Variants in HMCN1 observed in about 807,000 individuals in gnomAD.
HMCN1 encodes hemicentin-1.
Under a neutral mutation model 625.9 loss-of-function variants are expected in HMCN1, and 321 were observed. That is an observed-to-expected ratio of 0.51 (90% confidence interval 0.47 to 0.56). HMCN1 has a LOEUF of 0.56. HMCN1 is among the 20% of genes least tolerant of loss of function. The pLI, the probability that HMCN1 is intolerant of heterozygous loss-of-function variation, is 0.00. For missense variants in HMCN1, 6,588 were observed against 6,887.3 expected (o/e 0.96, Z 1.54); for synonymous variants, 2,425 against 2,417.6 (o/e 1.00, Z -0.09).
chr1:186,044,997 T>G (rs751254469), intron 40 of HMCN1, among the ~76,000 whole-genome samples: 2 of 152,164 alleles, frequency 1.3e-5, no homozygotes, highest in Non-Finnish European at 2.9e-5. Flanking sequence ...AATCCTAATG[T>G]TAATCTCATT....
intron 11 of HMCN1, among the ~76,000 whole-genome samples, chr1:185,961,933 G>T (rs2102556549): frequency 6.6e-6 from 1 of 152,242 alleles, no homozygotes; most frequent in African/African-American, 2.4e-5. Context: ...TTAGGAAACT[G>T]CATTCCATCA....
intron 26 of HMCN1, 127 bp downstream of exon 26, chr1:186,000,366 G>T: frequency 8.4e-6 from 6 of 711,432 alleles, no homozygotes; most frequent in East Asian, 2.7e-5. Context: ...ACAGAAATCT[G>T]GTGGTATGAT....
rs747077384 is a variant in HMCN1, at chr1:185,864,561, A to C, written c.431A>C (p.Asp144Ala). 6.2e-7 allele frequency: 1 copy of C among 1,614,010 alleles called. No individual in the cohort carries two copies. The highest frequency in any genetic ancestry group is 8.5e-7 in the Non-Finnish European group (1 of 1,179,972). ...LPGSFIYVFT[D>A]ARSKDYRLTH... ...GGTTCTTTCATCTATGTTTTCACTG[A>C]TGCTCGGTCCAAAGATTACCGGCTC... The change falls in exon 3 of 107, where the codon GAT (aspartate) becomes GCT (alanine). Residue 144 changes from aspartate to alanine, a missense_variant. Physicochemically the swap from Asp to Ala is moderately radical, Grantham distance 126. Coordinates refer to ENST00000271588, the MANE Select transcript of HMCN1 (RefSeq NM_031935.3).
intron 44 of HMCN1, among the ~76,000 whole-genome samples, chr1:186,054,586 C>G (rs1347965745): frequency 2.0e-5 from 3 of 151,896 alleles, no homozygotes; most frequent in Non-Finnish European, 4.4e-5. Flanking sequence ...AATTTTTGTT[C>G]CTAGAATCAG....
intron 11 of HMCN1, among the ~76,000 whole-genome samples, chr1:185,959,696 G>A (rs574025059): frequency 8.6e-5 from 13 of 152,008 alleles, no homozygotes; most frequent in African/African-American, 2.4e-4. Flanking sequence ...ATATGAGATT[G>A]GAAATCTCAA....
At chr1:185,739,090 C>G (rs1321668) in intron 1 of HMCN1, among the ~76,000 whole-genome samples, 37,343 of 152,088 alleles carry the variant, frequency 0.25, 4,937 homozygotes, top group Non-Finnish European at 0.3. Context: ...CAGTGTTTAG[C>G]CCCCACTTAT....
intron 2 of HMCN1, among the ~76,000 whole-genome samples, chr1:185,852,747 C>T (rs1393416724): frequency 6.6e-6 from 1 of 151,806 alleles, no homozygotes; most frequent in Non-Finnish European, 1.5e-5. Flanking sequence ...TAAATGTTAT[C>T]TATTGCTACT....
intron 2 of HMCN1, among the ~76,000 whole-genome samples, chr1:185,851,289 T>C (rs1662146271): frequency 6.6e-6 from 1 of 152,174 alleles, no homozygotes; most frequent in African/African-American, 2.4e-5. Context: ...TTAAAAATAT[T>C]CCTTTCATAT....
At chr1:186,129,202 A>AGTAAAAGATTT (rs1491131100) in intron 83 of HMCN1, among the ~76,000 whole-genome samples, 1 of 39,952 alleles carries the variant, frequency 2.5e-5, no homozygotes, top group African/African-American at 6.1e-4. Context: ...TAAAAGATTT[A>AGTAAAAGATTT]AAAAAAAAAA....
intron 75 of HMCN1, among the ~76,000 whole-genome samples, chr1:186,116,677 A>T (rs758895300): frequency 2.6e-5 from 4 of 152,160 alleles, no homozygotes; most frequent in Non-Finnish European, 4.4e-5. Context: ...CAGTGTTCTC[A>T]TTGTACTGTA....
chr1:185,934,091 C>G (rs1667696234), intron 11 of HMCN1, among the ~76,000 whole-genome samples: 1 of 152,116 alleles, frequency 6.6e-6, no homozygotes. Flanking sequence ...AAAATTGTCT[C>G]TGGATAAATA....
In HMCN1 at chr1:185,925,127, C is replaced by A; in HGVS notation, c.1366C>A (p.Leu456Ile). ...CCAAATTCCCTGCTCTGTTGACAGT[C>A]TTTTGCCCTTTACCTTGAGCTTTGT... ...PGQIPCSVDS[L>I]LPFTLSFVRN... Residue 456 changes from leucine (L) to isoleucine (I), a missense_variant, in exon 9 of 107, where the codon CTT (leucine) becomes ATT (isoleucine). Leu to Ile is a conservative substitution (Grantham distance 5). This residue lies in a region of HMCN1 where 4,628 missense variants were observed against 4,853.1 expected (regional missense o/e 0.95). Transcript: ENST00000271588. 6.2e-7 allele frequency: 1 copy of A among 1,613,856 alleles called. No individual in the cohort carries two copies. Among genetic ancestry groups the A allele is most frequent in the South Asian group, 1.1e-5 (1 of 91,070 alleles).
At chr1:186,051,133 T>A (rs1400367184) in intron 42 of HMCN1, among the ~76,000 whole-genome samples, 1 of 151,964 alleles carries the variant, frequency 6.6e-6, no homozygotes, top group Non-Finnish European at 1.5e-5. Flanking sequence ...AAGGTAAAAA[T>A]AGGCATATTG....
chr1:186,003,474 C>G (rs12092863), intron 28 of HMCN1, among the ~76,000 whole-genome samples: 1 of 151,956 alleles, frequency 6.6e-6, no homozygotes, highest in African/African-American at 2.4e-5. Context: ...AAAAATGAAC[C>G]CTATACTGTC....
chr1:185,779,955 A>G (rs527801517), intron 1 of HMCN1, among the ~76,000 whole-genome samples: 10 of 152,284 alleles, frequency 6.6e-5, no homozygotes, highest in Non-Finnish European at 1.3e-4. Flanking sequence ...CCATTTTCAC[A>G]ATATTGATTC....
chr1:185,859,319 A>C (rs1218097436), intron 2 of HMCN1, among the ~76,000 whole-genome samples: 2 of 152,216 alleles, frequency 1.3e-5, no homozygotes, highest in African/African-American at 4.8e-5. Flanking sequence ...TACAATTAAC[A>C]GTCTAAAATT....
At chr1:186,000,559 ATGTGTGTGTGTGTGTG>A (rs68110596) in intron 26 of HMCN1, among the ~76,000 whole-genome samples, 1 of 144,652 alleles carries the variant, frequency 6.9e-6, no homozygotes, top group Non-Finnish European at 1.5e-5. Context: ...GTGTGTGTGT[ATGTGTGTGTGTGTGTG>A]TGTGTGTGTG....
intron 72 of HMCN1, 53 bp downstream of exon 72, chr1:186,113,006 CAAAGAG>C (rs974231676): frequency 4.6e-5 from 74 of 1,596,850 alleles, no homozygotes; most frequent in Non-Finnish European, 5.3e-5. Context: ...CAAGGGCATT[CAAAGAG>C]ATGATAGCTT....
At chr1:186,046,009 G>T (rs1656545773) in intron 41 of HMCN1, 146 bp downstream of exon 41, 3 of 624,336 alleles carry the variant, frequency 4.8e-6, no homozygotes, top group Non-Finnish European at 8.2e-6. Context: ...GATGAGGTTT[G>T]TAATATTTAA....
Sources: gnomAD v4.1 joint callset for allele counts (sites outside exome capture counted in the v4.1 genomes callset) on GRCh38, gnomAD v4.1.1 for gene constraint, gnomAD v4.1.1 regional missense constraint, MANE v1.5 for transcripts, NCBI Gene and HGNC (gene_info 2026-07-23, HGNC 2026-07-21) for gene names.